RCOR1: variants seen among roughly 807,000 people sequenced by gnomAD.
RCOR1 encodes the protein REST corepressor.
Under a neutral mutation model 64.0 loss-of-function variants are expected in RCOR1, and 12 were observed. The ratio of observed to expected loss-of-function variants is 0.19; its 90% CI spans 0.12 to 0.30. The LOEUF (loss-of-function observed/expected upper bound fraction) is 0.30. Among genes scored for constraint, RCOR1 ranks in the 10% least tolerant of loss-of-function variants. The pLI, the probability that RCOR1 is intolerant of heterozygous loss-of-function variation, is 1.00. For missense variants in RCOR1, 502 were observed against 621.2 expected, an observed-to-expected ratio of 0.81 and a Z score of 2.04; for synonymous variants, 279 against 227.2, an observed-to-expected ratio of 1.23 and a Z score of -2.05.
At position 102,655,226 on chromosome 14, in the gene RCOR1, A is replaced by G. The variant is rs77935338; in HGVS notation, c.362-26669A>G. The G allele has an allele frequency of 3.8e-3, 3,769 of 981,758 alleles. 108 individuals are homozygous for G. The African/African-American group carries it at 0.06, about 16-fold the overall frequency. The allele number at this position is 981,758 out of a possible 1,614,324, so 60.8% of individuals were successfully genotyped here. A position where few individuals can be genotyped will look rare whatever the true frequency, so the allele number is the denominator to read the frequency against. On this transcript the variant is annotated intron_variant, in intron 2 of 11. Transcript: ENST00000262241. ...AAAGGGTTATGCACAAGAGAAGTACATTTCTTAGGCATTCCTGGCCTTCCA... is the reference window on the plus strand; with the variant it reads ...AAAGGGTTATGCACAAGAGAAGTACGTTTCTTAGGCATTCCTGGCCTTCCA...
chr14:102,598,823 C>T (rs967182269), intron 2 of RCOR1, among the ~76,000 whole-genome samples: 12 of 151,784 alleles, frequency 7.9e-5, no homozygotes, highest in African/African-American at 1.2e-4. Context: ...AGTTAGAATA[C>T]CATTTGTGTT....
At chr14:102,678,646 C>G (rs1895240022) in intron 2 of RCOR1, among the ~76,000 whole-genome samples, 1 of 152,120 alleles carries the variant, frequency 6.6e-6, no homozygotes, top group African/African-American at 2.4e-5. Flanking sequence ...TATGGCTGAA[C>G]AGTGGGGTTG....
chr14:102,691,622 T>C (rs988706633), intron 3 of RCOR1, among the ~76,000 whole-genome samples: 3 of 152,170 alleles, frequency 2.0e-5, no homozygotes, highest in Non-Finnish European at 4.4e-5. Flanking sequence ...GTGAAAAGTA[T>C]TTTCATCACT....
rs1896312295 is a variant in RCOR1 at position 102,728,411 on chromosome 14, G to GGAGAA, written c.*1907_*1911dup. The GGAGAA allele has an allele frequency of 6.6e-6, 1 of 152,220 alleles. No individual in the cohort carries two copies. Among genetic ancestry groups the GGAGAA allele is most frequent in the Non-Finnish European group, 1.5e-5 (1 of 68,094 alleles). 9.4% of individuals were successfully genotyped at this position (152,220 alleles called of 1,614,324 possible). On this transcript the variant is annotated 3_prime_UTR_variant, in exon 12 of 12. Coordinates refer to ENST00000262241, the MANE Select transcript of RCOR1 (RefSeq NM_015156.4). ...CCTGCTGTGTACACCGAGGGCGGCA[G>GGAGAA]GAGAAGCATGGGAAGGAGTCAGCCT...
At chr14:102,717,322 C>T (rs1442463763) in intron 8 of RCOR1, among the ~76,000 whole-genome samples, 2 of 152,216 alleles carry the variant, frequency 1.3e-5, no homozygotes, top group Non-Finnish European at 2.9e-5. Flanking sequence ...AAACAGTAGA[C>T]CAACTGTCAT....
intron 11 of RCOR1, among the ~76,000 whole-genome samples, chr14:102,724,678 C>G (rs979478030): frequency 6.6e-6 from 1 of 152,148 alleles, no homozygotes; most frequent in African/African-American, 2.4e-5. Context: ...AGTGCCACCC[C>G]TGCCCTGCCA....
At chr14:102,715,308 T>G (rs1451023355) in intron 8 of RCOR1, among the ~76,000 whole-genome samples, 3 of 151,986 alleles carry the variant, frequency 2.0e-5, no homozygotes, top group Non-Finnish European at 4.4e-5. Context: ...CCTGATCTCA[T>G]GATCCACCCG....
intron 3 of RCOR1, among the ~76,000 whole-genome samples, chr14:102,689,837 A>G (rs986362879): frequency 2.0e-5 from 3 of 152,152 alleles, no homozygotes; most frequent in African/African-American, 7.2e-5. Flanking sequence ...TCTGCCTCCC[A>G]GGTTCAAGCT....
intron 4 of RCOR1, among the ~76,000 whole-genome samples, chr14:102,705,637 T>C (rs1004035069): frequency 6.6e-6 from 1 of 152,054 alleles, no homozygotes; most frequent in Non-Finnish European, 1.5e-5. Flanking sequence ...TTGTTTGTTT[T>C]TCGTAGATTC....
chr14:102,676,362 G>C (rs1331588933), intron 2 of RCOR1, among the ~76,000 whole-genome samples: 1 of 141,716 alleles, frequency 7.1e-6, no homozygotes, highest in Admixed American at 6.8e-5. Context: ...CCACCCTCCC[G>C]GACGGGGCGG....
intron 2 of RCOR1, chr14:102,656,177 T>C (rs1473495925): frequency 1.7e-5 from 16 of 919,658 alleles, no homozygotes; most frequent in Non-Finnish European, 2.1e-5. Flanking sequence ...TCTCGCTGTG[T>C]CGCCCAGACT....
rs1327648084 is a variant in RCOR1 at position 102,729,187 on chromosome 14, TTTTAG to T, written c.*2687_*2691del. 6.5e-6 allele frequency: 1 copy of T among 152,684 alleles called. No individual in the cohort carries two copies. The highest frequency in any genetic ancestry group is 1.5e-5 in the Non-Finnish European group (1 of 68,050). The allele number at this position is 152,684 out of a possible 1,614,324, so 9.5% of individuals were successfully genotyped here. On this transcript the variant is annotated 3_prime_UTR_variant, in exon 12 of 12. Transcript: ENST00000262241. The stretch of plus-strand genomic sequence containing the variant: ...TCATTGATGCAAATAATAGTTTAAC[TTTTAG>T]TTTAGAACTCCTAAAAGATATAAAT...
At chr14:102,593,494 G>A (rs1030442640) in intron 2 of RCOR1, among the ~76,000 whole-genome samples, 169 bp downstream of exon 2, 4 of 152,228 alleles carry the variant, frequency 2.6e-5, no homozygotes, top group Admixed American at 2.6e-4. Context: ...GCACACGAGT[G>A]TTCTGCAAAC....
chr14:102,712,159 C>T (rs1041271816), intron 7 of RCOR1, among the ~76,000 whole-genome samples: 4 of 152,014 alleles, frequency 2.6e-5, no homozygotes, highest in Non-Finnish European at 5.9e-5. Context: ...CAGGCATGAG[C>T]CACCTCCAGC....
chr14:102,631,076 A>G (rs983401513), intron 2 of RCOR1, among the ~76,000 whole-genome samples: 2 of 152,156 alleles, frequency 1.3e-5, no homozygotes, highest in Non-Finnish European at 2.9e-5. Flanking sequence ...GTGTAGGCCC[A>G]GAACTGGTAT....
At chr14:102,725,327 T>C (rs1477793573) in intron 11 of RCOR1, among the ~76,000 whole-genome samples, 1 of 152,204 alleles carries the variant, frequency 6.6e-6, no homozygotes, top group Admixed American at 6.5e-5. Flanking sequence ...GCCATGAGCA[T>C]GGCAGAGAGC....
At chr14:102,655,392 C>G (rs966476731) in intron 2 of RCOR1, 2 of 985,172 alleles carry the variant, frequency 2.0e-6, no homozygotes, top group Non-Finnish European at 2.4e-6. Flanking sequence ...CTTTGTGAAG[C>G]TCATTGACAT....
intron 2 of RCOR1, among the ~76,000 whole-genome samples, chr14:102,653,883 C>G (rs1374744520): frequency 6.6e-6 from 1 of 150,766 alleles, no homozygotes; most frequent in Non-Finnish European, 1.5e-5. Context: ...GAAACCTCTT[C>G]TCTTTATAAA....
Position 102,726,621 on chromosome 14 carries a change from C to A in RCOR1, c.*115C>A. On this transcript the variant is annotated 3_prime_UTR_variant, in exon 12 of 12. Coordinates refer to ENST00000262241, the MANE Select transcript of RCOR1 (RefSeq NM_015156.4). ...ATCTCTCTGGACAAGCAGCTATTACCAAAAAAGGCATATACTTCCAGTCCT... is the reference window on the plus strand; with the variant it reads ...ATCTCTCTGGACAAGCAGCTATTACAAAAAAAGGCATATACTTCCAGTCCT... 1.2e-6 allele frequency: 1 copy of A among 864,496 alleles called. No homozygotes were observed. Among genetic ancestry groups the A allele is most frequent in the Non-Finnish European group, 1.8e-6 (1 of 543,108 alleles). 53.6% of individuals were successfully genotyped at this position (864,496 alleles called of 1,614,324 possible). A position where few individuals can be genotyped will look rare whatever the true frequency, so the allele number is the denominator to read the frequency against.
Sources: allele counts gnomAD v4.1 joint callset (sites outside exome capture counted in the v4.1 genomes callset), GRCh38; gene constraint gnomAD v4.1.1; transcripts MANE v1.5; gene names NCBI Gene and HGNC (gene_info 2026-07-23, HGNC 2026-07-21).